Variants in ZCWPW2 observed in about 807,000 individuals in gnomAD.
ZCWPW2 encodes zinc finger CW-type and PWWP domain containing 2, also known as zinc finger CW-type PWWP domain protein 2.
ZCWPW2 carries 45 observed loss-of-function variants against 46.6 expected under a neutral mutation model. The observed-to-expected ratio is 0.96, with a 90% confidence interval of 0.76 to 1.24. The LOEUF is 1.24. Among genes scored for constraint, ZCWPW2 ranks in the 50% most tolerant of loss-of-function variants. The pLI, the probability that ZCWPW2 is intolerant of heterozygous loss-of-function variation, is 0.00. For missense variants in ZCWPW2, 429 were observed against 403.9 expected (o/e 1.06, Z -0.53); for synonymous variants, 152 against 137.1 (o/e 1.11, Z -0.76).
chr3:28,378,208 A>C (rs150954361), intron 1 of ZCWPW2, among the ~76,000 whole-genome samples: 3 of 152,074 alleles, frequency 2.0e-5, no homozygotes, highest in African/African-American at 7.2e-5. Context: ...TTTCTTAATT[A>C]GGTAAAAGAA....
At position 28,421,834 on chromosome 3, in the gene ZCWPW2, TTGTGTG is replaced by T. The variant is rs71087697; in HGVS notation, c.332+8472_332+8477del. 3.2e-3 allele frequency among the ~76,000 whole-genome samples: 435 copies of T among 133,906 alleles called. 6 individuals are homozygous for T. The highest frequency in any genetic ancestry group is 5.5e-3 in the African/African-American group (196 of 35,486). The allele number at this position is 133,906 out of a possible 152,430, so 87.8% of individuals were successfully genotyped here. ...TGAGAACCATATGTTGGAGAATAGTTTGTGTGTGTGTGTGTGTGTGTGTGTGTGTGT... is the reference window on the plus strand; with the variant it reads ...TGAGAACCATATGTTGGAGAATAGTTTGTGTGTGTGTGTGTGTGTGTGTGT... On this transcript the variant is annotated intron_variant, in intron 3 of 9. Coordinates refer to ENST00000383768, the MANE Select transcript of ZCWPW2 (RefSeq NM_001040432.4).
At chr3:28,421,090 GTGGGAGCACCTCTTTGTTACTCCCACA>G (rs1696763701) in intron 3 of ZCWPW2, among the ~76,000 whole-genome samples, 1 of 152,094 alleles carries the variant, frequency 6.6e-6, no homozygotes, top group Non-Finnish European at 1.5e-5. Context: ...AGCAGGATAT[GTGGGAGCACCTCTTTGTTACTCCCACA>G]TGGGAGTAAG....
At chr3:28,492,037 AAGT>A in intron 5 of ZCWPW2, 87 bp from the exon 6 acceptor site, 1 of 1,289,052 alleles carries the variant, frequency 7.8e-7, no homozygotes. Flanking sequence ...AGTAATGAGA[AAGT>A]AGAAAATTCT....
intron 4 of ZCWPW2, among the ~76,000 whole-genome samples, chr3:28,438,207 G>GA (rs1697577145): frequency 6.6e-6 from 1 of 152,190 alleles, no homozygotes; most frequent in Admixed American, 6.5e-5. Flanking sequence ...TACAGACAAT[G>GA]AAAGGGGCAG....
chr3:28,359,578 C>T (rs1017085137), intron 1 of ZCWPW2, among the ~76,000 whole-genome samples: 2 of 152,006 alleles, frequency 1.3e-5, no homozygotes, highest in African/African-American at 4.8e-5. Context: ...CTTCGTAATC[C>T]TGACTTTGTA....
intron 2 of ZCWPW2, 85 bp from the exon 3 acceptor site, chr3:28,412,971 G>A: frequency 7.5e-6 from 8 of 1,061,230 alleles, no homozygotes; most frequent in Non-Finnish European, 1.1e-5. Context: ...TATCAAAGAG[G>A]AATTTCTCTG....
At chr3:28,426,789 A>G (rs1047628288) in intron 3 of ZCWPW2, among the ~76,000 whole-genome samples, 10 of 152,188 alleles carry the variant, frequency 6.6e-5, no homozygotes, top group Non-Finnish European at 1.3e-4. Context: ...AAAAGCCCCA[A>G]GTAAAGTTTG....
rs1172954946 is a variant in ZCWPW2, at chr3:28,384,614, C to CT, written c.-133-5868dup. ...CATTCAAGTTGACCAATCTTTCTTT[C>CT]TTTTTTTTTTTTTTTTGAGACGGTG... On this transcript the variant is annotated intron_variant, in intron 1 of 9. Transcript: ENST00000383768. Among the ~76,000 whole-genome samples, 421 of 139,382 alleles carry CT rather than the reference C, an allele frequency of 3.0e-3. 3 individuals carry two copies. The highest frequency in any genetic ancestry group is 3.8e-3 in the Middle Eastern group (1 of 266). 91.4% of individuals were successfully genotyped at this position (139,382 alleles called of 152,430 possible).
At chr3:28,441,547 C>T (rs1697759021) in intron 4 of ZCWPW2, among the ~76,000 whole-genome samples, 1 of 152,088 alleles carries the variant, frequency 6.6e-6, no homozygotes, top group Admixed American at 6.5e-5. Context: ...GGTGCAGAAC[C>T]ATCTCTTCTT....
At chr3:28,358,253 C>T (rs1298969596) in intron 1 of ZCWPW2, among the ~76,000 whole-genome samples, 1 of 152,030 alleles carries the variant, frequency 6.6e-6, no homozygotes, top group South Asian at 2.1e-4. Context: ...TCTTAAATTC[C>T]TGAAATGACT....
intron 1 of ZCWPW2, among the ~76,000 whole-genome samples, chr3:28,381,000 G>GTATATA (rs376030289): frequency 6.6e-4 from 3 of 4,554 alleles, no homozygotes; most frequent in Admixed American, 2.6e-3. Context: ...TATATATTTG[G>GTATATA]TATATATATA....
chr3:28,451,201 G>A (rs1181637358), intron 4 of ZCWPW2, among the ~76,000 whole-genome samples: 1 of 152,130 alleles, frequency 6.6e-6, no homozygotes, highest in Non-Finnish European at 1.5e-5. Flanking sequence ...ATCATATATT[G>A]AGTCTATATA....
intron 4 of ZCWPW2, among the ~76,000 whole-genome samples, chr3:28,477,689 G>A (rs982696015): frequency 6.6e-6 from 1 of 152,044 alleles, no homozygotes; most frequent in African/African-American, 2.4e-5. Flanking sequence ...AATTCAATAT[G>A]GGTCTTATAT....
At chr3:28,471,541 A>G (rs1458285173) in intron 4 of ZCWPW2, among the ~76,000 whole-genome samples, 1 of 152,210 alleles carries the variant, frequency 6.6e-6, no homozygotes, top group Non-Finnish European at 1.5e-5. Flanking sequence ...ATTTGATAAA[A>G]TTCAGCATCC....
intron 1 of ZCWPW2, among the ~76,000 whole-genome samples, chr3:28,387,688 T>C (rs1695325854): frequency 6.6e-6 from 1 of 152,168 alleles, no homozygotes; most frequent in Non-Finnish European, 1.5e-5. Flanking sequence ...TGCAGTGATA[T>C]CATAAAAAAT....
chr3:28,422,852 G>A (rs1696850786), intron 3 of ZCWPW2, among the ~76,000 whole-genome samples: 2 of 152,116 alleles, frequency 1.3e-5, no homozygotes, highest in East Asian at 3.9e-4. Flanking sequence ...CAACAGTGTT[G>A]CTTCACCTCC....
chr3:28,506,239 A>G (rs542407804), intron 6 of ZCWPW2, among the ~76,000 whole-genome samples: 5 of 151,672 alleles, frequency 3.3e-5, no homozygotes, highest in Non-Finnish European at 7.4e-5. Flanking sequence ...CTAGTGTTAT[A>G]TTTGTGTGGA....
chr3:28,437,631 T>C (rs1697554372), intron 4 of ZCWPW2, among the ~76,000 whole-genome samples: 2 of 152,182 alleles, frequency 1.3e-5, no homozygotes, highest in South Asian at 4.1e-4. Context: ...ATACAGATGA[T>C]AGTGTTTTCC....
At chr3:28,485,579 G>T (rs1350480435) in intron 5 of ZCWPW2, among the ~76,000 whole-genome samples, 1 of 152,074 alleles carries the variant, frequency 6.6e-6, no homozygotes, top group Non-Finnish European at 1.5e-5. Flanking sequence ...GTTGTTAGGT[G>T]CATGTACATT....
Sources: gnomAD v4.1 joint callset for allele counts (sites outside exome capture counted in the v4.1 genomes callset) on GRCh38, gnomAD v4.1.1 for gene constraint, MANE v1.5 for transcripts, NCBI Gene and HGNC (gene_info 2026-07-23, HGNC 2026-07-21) for gene names.